The following SV2C variants were observed in gnomAD, a reference collection of about 807,000 sequenced individuals.
The protein encoded by SV2C is solute carrier family 22 member B3.
A neutral mutation model predicts 79.7 loss-of-function variants in SV2C; 49 were observed. The ratio of observed to expected loss-of-function variants is 0.61; its 90% CI spans 0.49 to 0.78. SV2C has a LOEUF of 0.78. Among genes scored for constraint, SV2C ranks in the 30% least tolerant of loss-of-function variants. SV2C has a pLI of 0.00. For synonymous variants in SV2C, 334 were observed against 333.2 expected (o/e 1.00, Z -0.03); for missense variants, 833 against 912.9 (o/e 0.91, Z 1.13).
At chr5:75,915,604 C>A in the SV2C span, among the ~76,000 whole-genome samples, 2 of 152,100 alleles carry the variant, frequency 1.3e-5, no homozygotes, top group Non-Finnish European at 1.5e-5. Flanking sequence ...CTATTGAAAG[C>A]GTGAAAATAA....
chr5:76,070,984 G>A, the SV2C span, among the ~76,000 whole-genome samples: 1 of 152,232 alleles, frequency 6.6e-6, no homozygotes, highest in African/African-American at 2.4e-5. Flanking sequence ...CTGAGGCAGT[G>A]AGGCAGAGGG....
chr5:76,313,343 G>T (rs10065843), intron 12 of SV2C, among the ~76,000 whole-genome samples: 1 of 151,862 alleles, frequency 6.6e-6, no homozygotes, highest in Non-Finnish European at 1.5e-5. Context: ...TTCCTTATAC[G>T]CCTTATCATT....
At chr5:75,877,802 G>A in the SV2C span, among the ~76,000 whole-genome samples, 1 of 152,012 alleles carries the variant, frequency 6.6e-6, no homozygotes, top group African/African-American at 2.4e-5. Context: ...AAGGGTATAA[G>A]TGTTTCATTT....
chr5:76,228,694 T>C (rs1218997963), intron 4 of SV2C, among the ~76,000 whole-genome samples: 1 of 152,234 alleles, frequency 6.6e-6, no homozygotes, highest in Non-Finnish European at 1.5e-5. Context: ...TAGCATCCTG[T>C]ACTAATGTTT....
chr5:76,066,219 C>T, the SV2C span, among the ~76,000 whole-genome samples: 3 of 151,770 alleles, frequency 2.0e-5, no homozygotes, highest in Non-Finnish European at 2.9e-5. Context: ...AAATGATAGA[C>T]TGGATTAAGA....
chr5:75,952,371 A>C, the SV2C span, among the ~76,000 whole-genome samples: 1 of 150,466 alleles, frequency 6.6e-6, no homozygotes, highest in African/African-American at 2.4e-5. Flanking sequence ...TTAAATAGAG[A>C]CATTTCTCAA....
chr5:75,910,994 C>A, the SV2C span: 50 of 973,266 alleles, frequency 5.1e-5, no homozygotes, highest in Non-Finnish European at 6.9e-5. Flanking sequence ...GGCCTCCAGT[C>A]CTCTTACCTC....
intron 7 of SV2C, 138 bp from the exon 8 acceptor site, chr5:76,291,630 C>T (rs1747569453): frequency 1.5e-6 from 1 of 664,356 alleles, no homozygotes; most frequent in East Asian, 2.8e-5. Context: ...TTCCAATTAC[C>T]TTTAACTTTT....
At position 76,298,800 on chromosome 5, in the gene SV2C, AG is replaced by A. The variant is rs761439943; in HGVS notation, c.1513del (p.Val505SerfsTer6). ...GMEYDNGRFI[G>X]VKFKSVTFKD... The stretch of plus-strand genomic sequence containing the variant: ...TTTTCTGTGTGTTGGGCAGATTCAT[AG>A]GGGTCAAGTTCAAATCTGTAACTTT... On this transcript the variant is annotated frameshift_variant, in exon 10 of 13. Coordinates refer to ENST00000502798, the MANE Select transcript of SV2C (RefSeq NM_014979.4). LOFTEE classifies it high-confidence loss of function. 6.2e-7 allele frequency: 1 copy of A among 1,613,712 alleles called. No individual in the cohort carries two copies. Among genetic ancestry groups the A allele is most frequent in the Non-Finnish European group, 8.5e-7 (1 of 1,179,710 alleles).
rs1383480576 is a variant in SV2C at position 76,330,028 on chromosome 5, T to G, written c.*4481T>G. 6.6e-6 allele frequency: 1 copy of G among 151,850 alleles called. No homozygotes were observed. Among genetic ancestry groups the G allele is most frequent in the Non-Finnish European group, 1.5e-5 (1 of 67,990 alleles). The allele number at this position is 151,850 out of a possible 1,614,324, so 9.4% of individuals were successfully genotyped here. The stretch of plus-strand genomic sequence containing the variant: ...TGTTTATGCTCAGCAAAGTATGTAT[T>G]TTAAGTAAAGCTTCTCTTGTTATCT... On this transcript the variant is annotated 3_prime_UTR_variant, in exon 13 of 13. Coordinates refer to ENST00000502798, the MANE Select transcript of SV2C (RefSeq NM_014979.4).
intron 4 of SV2C, among the ~76,000 whole-genome samples, chr5:76,234,927 C>G (rs998375329): frequency 2.6e-5 from 4 of 152,194 alleles, no homozygotes; most frequent in African/African-American, 9.7e-5. Context: ...GCTGGCCAGA[C>G]TTCATCAGAA....
chr5:75,899,757 G>C, the SV2C span, among the ~76,000 whole-genome samples: 1 of 152,054 alleles, frequency 6.6e-6, no homozygotes, highest in Admixed American at 6.5e-5. Context: ...CTCCTGTATT[G>C]GGTGCATATA....
chr5:76,245,911 AGTGTGTGT>A (rs58481475), intron 4 of SV2C, among the ~76,000 whole-genome samples: 5 of 145,290 alleles, frequency 3.4e-5, no homozygotes, highest in South Asian at 4.5e-4. Flanking sequence ...GAGGCAGGGG[AGTGTGTGT>A]GTGTGTGTGT....
intron 1 of SV2C, among the ~76,000 whole-genome samples, chr5:76,085,257 G>C (rs1182694389): frequency 6.6e-6 from 1 of 152,202 alleles, no homozygotes; most frequent in African/African-American, 2.4e-5. Context: ...CCACCATTCT[G>C]CAGGATTTTT....
At chr5:76,171,971 T>A (rs1479552479) in intron 2 of SV2C, among the ~76,000 whole-genome samples, 1 of 110,844 alleles carries the variant, frequency 9.0e-6, no homozygotes, top group Non-Finnish European at 1.9e-5. Flanking sequence ...AGCCGCCCCG[T>A]CCGGGAGGGA....
intron 4 of SV2C, among the ~76,000 whole-genome samples, chr5:76,252,360 A>G (rs113674420): frequency 0.044 from 6,666 of 152,204 alleles, 482 homozygotes; most frequent in African/African-American, 0.15. Context: ...ACCTCAGGTG[A>G]TCCTACCCGC....
chr5:76,023,475 T>A, the SV2C span, among the ~76,000 whole-genome samples: 1 of 152,090 alleles, frequency 6.6e-6, no homozygotes, highest in Non-Finnish European at 1.5e-5. Context: ...CTTATAGGAC[T>A]TTTATGTAGC....
chr5:75,958,796 A>C, the SV2C span, among the ~76,000 whole-genome samples: 1 of 151,872 alleles, frequency 6.6e-6, no homozygotes. Flanking sequence ...TGGGGGTGGG[A>C]TGTGGAGGCG....
chr5:76,142,931 G>A (rs1449345551), intron 2 of SV2C, among the ~76,000 whole-genome samples: 2 of 139,252 alleles, frequency 1.4e-5, no homozygotes, highest in African/African-American at 5.1e-5. Flanking sequence ...GTCTTGCTCT[G>A]TTGCCAGGCT....
Sources: allele counts gnomAD v4.1 joint callset (sites outside exome capture counted in the v4.1 genomes callset), GRCh38; gene constraint gnomAD v4.1.1; transcripts MANE v1.5; gene names NCBI Gene and HGNC (gene_info 2026-07-23, HGNC 2026-07-21).